The following RBFOX1 variants were observed in gnomAD, a reference collection of about 807,000 sequenced individuals.
The protein encoded by RBFOX1 is RNA binding fox-1 homolog 1.
In RBFOX1, 8 loss-of-function variants were observed where a neutral mutation model predicts 57.7. The observed-to-expected ratio is 0.14, with a 90% confidence interval of 0.08 to 0.25. The LOEUF is 0.25. RBFOX1 is among the 10% of genes least tolerant of loss of function. RBFOX1 has a pLI of 1.00. For synonymous variants in RBFOX1, 326 were observed against 222.4 expected, an observed-to-expected ratio of 1.47 and a Z score of -4.15; for missense variants, 611 against 548.5, an observed-to-expected ratio of 1.11 and a Z score of -1.14.
chr16:6,857,487 A>G (rs1364763505), intron 3 of RBFOX1, among the ~76,000 whole-genome samples: 1 of 152,204 alleles, frequency 6.6e-6, no homozygotes, highest in East Asian at 1.9e-4. Context: ...GGTCTGACTC[A>G]TTGGGCATAA....
At chr16:5,835,740 C>G (rs948647589) in intron 3 of RBFOX1, among the ~76,000 whole-genome samples, 2 of 152,226 alleles carry the variant, frequency 1.3e-5, no homozygotes, top group Middle Eastern at 6.3e-3. Context: ...CGTTTTAGTT[C>G]TTGATTAAAC....
intron 1 of RBFOX1, among the ~76,000 whole-genome samples, chr16:6,108,903 C>A (rs141768810): frequency 3.9e-5 from 6 of 152,152 alleles, no homozygotes; most frequent in African/African-American, 1.4e-4. Flanking sequence ...TTCGGACCCA[C>A]CTAGATAATC....
At chr16:5,495,210 TAGAA>T (rs1276497285) in intron 2 of RBFOX1, among the ~76,000 whole-genome samples, 5 of 152,132 alleles carry the variant, frequency 3.3e-5, no homozygotes, top group Admixed American at 2.6e-4. Flanking sequence ...GAGTTGGAAA[TAGAA>T]AGAATTAACT....
chr16:5,782,948 G>C (rs1377560004), intron 3 of RBFOX1, among the ~76,000 whole-genome samples: 1 of 152,160 alleles, frequency 6.6e-6, no homozygotes, highest in Non-Finnish European at 1.5e-5. Context: ...CCATGGATTG[G>C]ATGACATCAC....
intron 4 of RBFOX1, among the ~76,000 whole-genome samples, chr16:7,064,355 G>C (rs147650888): frequency 0.014 from 2,105 of 152,108 alleles, 58 homozygotes; most frequent in African/African-American, 0.048. Flanking sequence ...TTTTAGTAGA[G>C]ATGGGGTTTC....
chr16:6,355,295 C>T (rs565947827), intron 2 of RBFOX1, among the ~76,000 whole-genome samples: 1 of 152,020 alleles, frequency 6.6e-6, no homozygotes, highest in African/African-American at 2.4e-5. Flanking sequence ...GCCCCCCAGC[C>T]CCTAACAGGC....
chr16:6,569,649 T>TGTCCATGG (rs1230540120), intron 2 of RBFOX1, among the ~76,000 whole-genome samples: 1 of 152,234 alleles, frequency 6.6e-6, no homozygotes, highest in East Asian at 1.9e-4. Context: ...TCAACCTTTC[T>TGTCCATGG]GTCCATGGGT....
At chr16:6,511,191 A>C (rs1490190899) in intron 2 of RBFOX1, among the ~76,000 whole-genome samples, 1 of 152,112 alleles carries the variant, frequency 6.6e-6, no homozygotes, top group Admixed American at 6.5e-5. Flanking sequence ...CCCAAAAGAG[A>C]AAGATGGAGG....
At chr16:7,153,909 A>G (rs2076583304) in intron 4 of RBFOX1, among the ~76,000 whole-genome samples, 1 of 151,696 alleles carries the variant, frequency 6.6e-6, no homozygotes, top group Non-Finnish European at 1.5e-5. Context: ...CTAGTTAGGC[A>G]TTAAACCTGG....
chr16:5,594,935 C>A (rs1246749829), intron 2 of RBFOX1, among the ~76,000 whole-genome samples: 2 of 143,002 alleles, frequency 1.4e-5, no homozygotes, highest in African/African-American at 5.3e-5. Flanking sequence ...AGTTGGAGAC[C>A]AGCCTGGCCA....
At chr16:5,741,790 T>C (rs531221370) in intron 3 of RBFOX1, among the ~76,000 whole-genome samples, 2 of 152,316 alleles carry the variant, frequency 1.3e-5, no homozygotes, top group South Asian at 2.1e-4. Context: ...GAAACTTTCG[T>C]TAAAGAAATA....
intron 3 of RBFOX1, among the ~76,000 whole-genome samples, chr16:6,886,900 T>C (rs2064180527): frequency 1.3e-5 from 2 of 152,206 alleles, no homozygotes; most frequent in African/African-American, 4.8e-5. Flanking sequence ...TTAGGTCACT[T>C]AGCCAATGAG....
At chr16:7,063,220 C>T (rs1425400668) in intron 4 of RBFOX1, among the ~76,000 whole-genome samples, 1 of 151,980 alleles carries the variant, frequency 6.6e-6, no homozygotes, top group African/African-American at 2.4e-5. Flanking sequence ...TCATCAAGAG[C>T]AGGTAGGCAC....
At chr16:7,676,618 G>C (rs2073353175) in intron 13 of RBFOX1, among the ~76,000 whole-genome samples, 156 bp from the exon 14 acceptor site, 1 of 152,070 alleles carries the variant, frequency 6.6e-6, no homozygotes, top group South Asian at 2.1e-4. Flanking sequence ...TTTCTCCAGG[G>C]TGTTTTTGTA....
intron 2 of RBFOX1, among the ~76,000 whole-genome samples, chr16:6,426,736 T>G (rs1304893960): frequency 6.6e-6 from 1 of 152,204 alleles, no homozygotes; most frequent in Non-Finnish European, 1.5e-5. Flanking sequence ...AGAACTGTTC[T>G]GAAATTTCAA....
intron 3 of RBFOX1, among the ~76,000 whole-genome samples, chr16:5,788,075 A>G (rs974773641): frequency 1.3e-5 from 2 of 152,156 alleles, no homozygotes; most frequent in African/African-American, 4.8e-5. Flanking sequence ...GGGTGTTGAA[A>G]AGATTGTCTG....
chr16:6,804,937 G>A (rs921185433), intron 3 of RBFOX1, among the ~76,000 whole-genome samples: 1 of 152,312 alleles, frequency 6.6e-6, no homozygotes, highest in South Asian at 2.1e-4. Flanking sequence ...CTCATATGCT[G>A]TTGGTCGGAG....
chr16:7,075,389 C>T (rs886198400), intron 4 of RBFOX1, among the ~76,000 whole-genome samples: 1 of 152,068 alleles, frequency 6.6e-6, no homozygotes, highest in Non-Finnish European at 1.5e-5. Context: ...GCTGTGTTGC[C>T]TTGTAACAGT....
chr16:5,289,362 C>T, intron 1 of RBFOX1: 4 of 392,654 alleles, frequency 1.0e-5, no homozygotes, highest in South Asian at 6.9e-5. Context: ...GAGGAGGGCC[C>T]ATCATTGGCA....
Sources: allele counts gnomAD v4.1 joint callset (sites outside exome capture counted in the v4.1 genomes callset), GRCh38; gene constraint gnomAD v4.1.1; transcripts MANE v1.5; gene names NCBI Gene and HGNC (gene_info 2026-07-23, HGNC 2026-07-21).